Variants in PRKCA observed in about 807,000 individuals in gnomAD.
PRKCA encodes protein kinase C alpha.
In PRKCA, 27 loss-of-function variants were observed where a neutral mutation model predicts 87.0. That is an observed-to-expected ratio of 0.31 (90% CI 0.23 to 0.43). The LOEUF (loss-of-function observed/expected upper bound fraction) is 0.43, where lower values mean the gene tolerates loss of function less well. Ranked by LOEUF, PRKCA falls within the 20% of genes least tolerant of loss-of-function variation. The pLI, the probability that PRKCA is intolerant of heterozygous loss-of-function variation, is 1.00. For synonymous variants in PRKCA, 329 were observed against 311.1 expected (o/e 1.06, Z -0.61); for missense variants, 518 against 852.3 (o/e 0.61, Z 4.88).
intron 3 of PRKCA, among the ~76,000 whole-genome samples, chr17:66,622,773 G>A (rs996847212): frequency 2.6e-5 from 4 of 152,274 alleles, no homozygotes; most frequent in Non-Finnish European, 2.9e-5. Context: ...GTGGTGGCAC[G>A]AGAGATGAGA....
chr17:66,314,171 C>T (rs1277653038), intron 2 of PRKCA, among the ~76,000 whole-genome samples: 2 of 151,952 alleles, frequency 1.3e-5, no homozygotes, highest in African/African-American at 2.4e-5. Flanking sequence ...GAATGAAGCC[C>T]GGATTTATAT....
chr17:66,559,463 T>A (rs182555085), intron 3 of PRKCA, among the ~76,000 whole-genome samples: 1 of 112,784 alleles, frequency 8.9e-6, no homozygotes, highest in African/African-American at 3.6e-5. Flanking sequence ...CGCAACAGAG[T>A]GAGTCTCTGT....
At chr17:66,554,880 CTT>C (rs565435672) in intron 3 of PRKCA, among the ~76,000 whole-genome samples, 49 of 138,306 alleles carry the variant, frequency 3.5e-4, no homozygotes, top group Non-Finnish European at 3.7e-4. Flanking sequence ...ATTGTAAATT[CTT>C]TTTTTTTTTT....
intron 5 of PRKCA, among the ~76,000 whole-genome samples, chr17:66,668,250 A>G (rs1021818565): frequency 2.6e-5 from 4 of 152,322 alleles, no homozygotes; most frequent in Non-Finnish European, 4.4e-5. Context: ...ACAGTCTACA[A>G]ATAGACTGTA....
At chr17:66,442,570 A>G (rs1707678365) in intron 2 of PRKCA, among the ~76,000 whole-genome samples, 1 of 152,150 alleles carries the variant, frequency 6.6e-6, no homozygotes, top group Non-Finnish European at 1.5e-5. Context: ...AAGGCCCTGT[A>G]TCATCAGCTG....
At chr17:66,333,929 AT>A (rs1377425624) in intron 2 of PRKCA, among the ~76,000 whole-genome samples, 1 of 152,110 alleles carries the variant, frequency 6.6e-6, no homozygotes, top group African/African-American at 2.4e-5. Flanking sequence ...AGAACACCTA[AT>A]ATAAAGTGTA....
At chr17:66,327,108 C>T (rs563712836) in intron 2 of PRKCA, among the ~76,000 whole-genome samples, 26 of 151,936 alleles carry the variant, frequency 1.7e-4, no homozygotes, top group East Asian at 1.5e-3. Context: ...TGGTGGCTCA[C>T]GCCTGTAATC....
intron 16 of PRKCA, among the ~76,000 whole-genome samples, chr17:66,791,985 A>G (rs2144395451): frequency 6.6e-6 from 1 of 152,348 alleles, no homozygotes; most frequent in African/African-American, 2.4e-5. Context: ...AGAGAGATGT[A>G]GCAATGCCAG....
In PRKCA at chr17:66,690,805, G is replaced by A. The variant is rs368019339; in HGVS notation, c.918+1758G>A. Among the ~76,000 whole-genome samples the A allele has an allele frequency of 9.1e-5, 13 of 143,362 alleles. No homozygotes were observed. The South Asian group carries it at 2.9e-3, about 32-fold the overall frequency. 94.1% of individuals were successfully genotyped at this position (143,362 alleles called of 152,430 possible). A position where few individuals can be genotyped will look rare whatever the true frequency, so the allele number is the denominator to read the frequency against. On this transcript the variant is annotated intron_variant, in intron 8 of 16. Transcript: ENST00000413366. ...TTTGTGCCACTGCACTCCAGCCTGG[G>A]CAACAGAGCAAGACTCTGTCTCAAA...
chr17:66,741,536 T>C, intron 11 of PRKCA, 123 bp from the exon 12 acceptor site: 1 of 994,294 alleles, frequency 1.0e-6, no homozygotes, highest in Non-Finnish European at 1.5e-6. Flanking sequence ...AACACGATGC[T>C]GGTCTCTGAG....
At chr17:66,392,908 G>A (rs1020730112) in intron 2 of PRKCA, among the ~76,000 whole-genome samples, 9 of 152,080 alleles carry the variant, frequency 5.9e-5, no homozygotes, top group Admixed American at 3.9e-4. Flanking sequence ...AGGCACTCTG[G>A]GGAGAGTGTT....
intron 13 of PRKCA, among the ~76,000 whole-genome samples, chr17:66,750,540 C>T (rs971493383): frequency 1.3e-5 from 2 of 152,108 alleles, no homozygotes; most frequent in African/African-American, 2.4e-5. Flanking sequence ...ATAATTCTCC[C>T]CGCCTTGGAG....
chr17:66,376,435 C>T (rs1016923387), intron 2 of PRKCA, among the ~76,000 whole-genome samples: 10 of 152,246 alleles, frequency 6.6e-5, no homozygotes, highest in African/African-American at 2.4e-4. Context: ...TGGTAAAACC[C>T]CATCTCTTCT....
intron 5 of PRKCA, among the ~76,000 whole-genome samples, chr17:66,652,737 C>T (rs1038889972): frequency 1.3e-5 from 2 of 152,116 alleles, no homozygotes; most frequent in East Asian, 1.9e-4. Context: ...TTCAGTTGAT[C>T]GTATTTAAAT....
chr17:66,395,195 G>A (rs977001151), intron 2 of PRKCA, among the ~76,000 whole-genome samples: 7 of 152,070 alleles, frequency 4.6e-5, no homozygotes, highest in South Asian at 4.2e-4. Context: ...CAACAGGACC[G>A]TTTCAGATGG....
Position 66,367,652 on chromosome 17 carries a change from A to G in PRKCA, c.205+61525A>G, listed in dbSNP as rs188956061. Reference sequence around the variant, plus strand: ...ATTTTTCTCTCCTGGTTAAATGTCTACTTAGGTTAAATAAAAGCTGTCCTG... The same window carrying G: ...ATTTTTCTCTCCTGGTTAAATGTCTGCTTAGGTTAAATAAAAGCTGTCCTG... On this transcript the variant is annotated intron_variant, in intron 2 of 16. Transcript: ENST00000413366. Among the ~76,000 whole-genome samples the G allele has an allele frequency of 2.1e-4, 32 of 152,286 alleles. No homozygotes were observed. In the East Asian group the frequency reaches 5.2e-3, roughly 25 times the overall value.
intron 13 of PRKCA, among the ~76,000 whole-genome samples, chr17:66,748,101 G>A (rs975069129): frequency 5.3e-5 from 8 of 152,238 alleles, no homozygotes; most frequent in African/African-American, 1.7e-4. Flanking sequence ...CAGGGAAGAA[G>A]CTTGCAGACG....
intron 3 of PRKCA, among the ~76,000 whole-genome samples, chr17:66,605,073 G>A (rs751290654): frequency 5.9e-5 from 9 of 152,180 alleles, no homozygotes; most frequent in Non-Finnish European, 1.2e-4. Flanking sequence ...TCACGTCATG[G>A]TGGAATTTTC....
chr17:66,327,270 G>A (rs1906035921), intron 2 of PRKCA, among the ~76,000 whole-genome samples: 2 of 151,260 alleles, frequency 1.3e-5, no homozygotes. Context: ...GGGAGGCTGA[G>A]GCAGGAGAAT....
Sources: allele counts gnomAD v4.1 joint callset (sites outside exome capture counted in the v4.1 genomes callset), GRCh38; gene constraint gnomAD v4.1.1; transcripts MANE v1.5; gene names NCBI Gene and HGNC (gene_info 2026-07-23, HGNC 2026-07-21).